Variants in PARD3 observed in about 807,000 individuals in gnomAD.
PARD3 encodes the protein partitioning defective 3 homolog.
A neutral mutation model predicts 155.4 loss-of-function variants in PARD3; 75 were observed. That is an observed-to-expected ratio of 0.48 (90% CI 0.40 to 0.58). The LOEUF (loss-of-function observed/expected upper bound fraction) is 0.58. Among genes scored for constraint, PARD3 ranks in the 20% least tolerant of loss-of-function variants. The pLI is 0.00. For missense variants in PARD3, 1,642 were observed against 1,721.7 expected (o/e 0.95, Z 0.82); for synonymous variants, 576 against 610.5 (o/e 0.94, Z 0.83).
At chr10:34,752,178 T>C (rs1836122108) in intron 1 of PARD3, among the ~76,000 whole-genome samples, 1 of 151,942 alleles carries the variant, frequency 6.6e-6, no homozygotes, top group Non-Finnish European at 1.5e-5. Context: ...CTAAGGTTGC[T>C]GCAAAACTGT....
chr10:34,746,342 G>A (rs976831874), intron 1 of PARD3, among the ~76,000 whole-genome samples: 5 of 151,770 alleles, frequency 3.3e-5, no homozygotes, highest in Middle Eastern at 3.4e-3. Flanking sequence ...ACCACTACTC[G>A]GCAGGCTGAG....
In PARD3 at chr10:34,450,487, C is replaced by A. The variant is rs777541978; in HGVS notation, c.583-39G>T. On this transcript the variant is annotated intron_variant, in intron 4 of 24. Transcript: ENST00000374788. ...AACAAAAAGGTGTCTTGTAAAAAAC[C>A]AGACCTTGCAAATCAGTAATGCACC... 3 of 1,583,718 alleles carry A rather than the reference C, an allele frequency of 1.9e-6. No homozygotes were observed. The African/African-American group carries it at 4.1e-5, about 22-fold the overall frequency.
At chr10:34,342,285 A>G (rs1183086137) in intron 15 of PARD3, among the ~76,000 whole-genome samples, 1 of 152,234 alleles carries the variant, frequency 6.6e-6, no homozygotes, top group East Asian at 1.9e-4. Context: ...CTAGTGAAGG[A>G]GAAAGAATTA....
intron 20 of PARD3, among the ~76,000 whole-genome samples, chr10:34,300,483 C>G (rs1424274272): frequency 1.3e-5 from 2 of 152,012 alleles, no homozygotes; most frequent in African/African-American, 4.8e-5. Context: ...AGTGAGAAAC[C>G]ATCTCTACAA....
chr10:34,354,942 G>A (rs1345380120), intron 14 of PARD3, among the ~76,000 whole-genome samples: 1 of 152,196 alleles, frequency 6.6e-6, no homozygotes, highest in African/African-American at 2.4e-5. Context: ...AAGCCTGATT[G>A]CAGAGAAAAC....
chr10:34,222,209 AT>A (rs1392658683), intron 22 of PARD3, among the ~76,000 whole-genome samples: 1 of 152,136 alleles, frequency 6.6e-6, no homozygotes, highest in Non-Finnish European at 1.5e-5. Flanking sequence ...CTTTAAAGGG[AT>A]TTTTTCTTGC....
intron 22 of PARD3, among the ~76,000 whole-genome samples, chr10:34,243,701 C>T (rs1660640): frequency 0.28 from 42,797 of 151,720 alleles, 11,153 homozygotes; most frequent in African/African-American, 0.7. Flanking sequence ...CTGGGTGTGT[C>T]GGCGCGCACT....
chr10:34,647,431 T>G (rs1382614645), intron 2 of PARD3, among the ~76,000 whole-genome samples: 1 of 152,144 alleles, frequency 6.6e-6, no homozygotes, highest in Non-Finnish European at 1.5e-5. Context: ...CTGATAAGAC[T>G]CCACAAATTT....
At chr10:34,660,251 A>G (rs2133137694) in intron 2 of PARD3, among the ~76,000 whole-genome samples, 1 of 152,196 alleles carries the variant, frequency 6.6e-6, no homozygotes, top group East Asian at 1.9e-4. Flanking sequence ...TTGGGAGAAG[A>G]TAATTTTATA....
At chr10:34,747,919 G>A (rs11009916) in intron 1 of PARD3, among the ~76,000 whole-genome samples, 32,817 of 152,068 alleles carry the variant, frequency 0.22, 4,698 homozygotes, top group East Asian at 0.54. Flanking sequence ...TGTACTCACT[G>A]GTCCAGGCTC....
At chr10:34,514,445 A>G (rs1589837835) in intron 3 of PARD3, among the ~76,000 whole-genome samples, 1 of 152,150 alleles carries the variant, frequency 6.6e-6, no homozygotes. Context: ...TTCATCTTCT[A>G]TGTCTGAATG....
Position 34,669,603 on chromosome 10 carries a change from TA to T in PARD3, c.222+26714del, listed in dbSNP as rs536050174. ...TACGTTTACACAATTTTAAAAACAT[TA>T]AAAAAAAACAGAAAAAATTACCTTA... On this transcript the variant is annotated intron_variant, in intron 2 of 24. Transcript: ENST00000374788. Among the ~76,000 whole-genome samples, 1,172 of 150,406 alleles carry T rather than the reference TA, an allele frequency of 7.8e-3. 14 individuals are homozygous for T. Among genetic ancestry groups the T allele is most frequent in the African/African-American group, 0.028 (1,128 of 41,014 alleles).
intron 1 of PARD3, among the ~76,000 whole-genome samples, chr10:34,777,425 T>C (rs1424104249): frequency 1.3e-5 from 2 of 149,908 alleles, no homozygotes; most frequent in Non-Finnish European, 2.9e-5. Flanking sequence ...TCCTACTCCA[T>C]TTCCACCTTT....
At chr10:34,565,131 C>T (rs1480759496) in intron 2 of PARD3, among the ~76,000 whole-genome samples, 1 of 150,196 alleles carries the variant, frequency 6.7e-6, no homozygotes, top group African/African-American at 2.5e-5. Context: ...TAATTGCTGG[C>T]CAGAAATCTA....
intron 1 of PARD3, among the ~76,000 whole-genome samples, chr10:34,739,660 GT>G (rs2094973841): frequency 6.6e-6 from 1 of 152,150 alleles, no homozygotes; most frequent in Non-Finnish European, 1.5e-5. Flanking sequence ...TGCAACCTCA[GT>G]GGTGCTTTGG....
At chr10:34,794,860 G>A (rs1468389416) in intron 1 of PARD3, among the ~76,000 whole-genome samples, 2 of 140,264 alleles carry the variant, frequency 1.4e-5, no homozygotes, top group African/African-American at 5.1e-5. Flanking sequence ...AAAAAAAAAT[G>A]TTTGATGTTA....
chr10:34,807,657 A>G (rs541279071), intron 1 of PARD3, among the ~76,000 whole-genome samples: 1 of 150,492 alleles, frequency 6.6e-6, no homozygotes, highest in Non-Finnish European at 1.5e-5. Context: ...TTGTGTACAC[A>G]TTTTCATTTC....
chr10:34,649,062 T>C (rs1291081246), intron 2 of PARD3, among the ~76,000 whole-genome samples: 1 of 152,182 alleles, frequency 6.6e-6, no homozygotes, highest in African/African-American at 2.4e-5. Context: ...AAGTCACAGC[T>C]GACAGATGAC....
intron 1 of PARD3, among the ~76,000 whole-genome samples, chr10:34,796,796 C>T (rs1000385744): frequency 1.3e-5 from 2 of 152,096 alleles, no homozygotes; most frequent in African/African-American, 4.8e-5. Context: ...GCCAGCCTGG[C>T]CAAAATGGCA....
Sources: allele counts gnomAD v4.1 joint callset (sites outside exome capture counted in the v4.1 genomes callset), GRCh38; gene constraint gnomAD v4.1.1; transcripts MANE v1.5; gene names NCBI Gene and HGNC (gene_info 2026-07-23, HGNC 2026-07-21).